TOPORS: variants seen among roughly 807,000 people sequenced by gnomAD.
The protein encoded by TOPORS is E3 ubiquitin-protein ligase Topors.
Under a neutral mutation model 81.4 loss-of-function variants are expected in TOPORS, and 25 were observed. That is an observed-to-expected ratio of 0.31 (90% CI 0.22 to 0.43). TOPORS has a LOEUF of 0.43. Among genes scored for constraint, TOPORS ranks in the 20% least tolerant of loss-of-function variants. The probability of loss-of-function intolerance (pLI) is 1.00; values close to 1 mark genes in which losing one functional copy is unlikely to be tolerated. For missense variants in TOPORS, 1,101 were observed against 1,267.0 expected (o/e 0.87, Z 1.99); for synonymous variants, 473 against 456.6 (o/e 1.04, Z -0.46).
intron 2 of TOPORS, among the ~76,000 whole-genome samples, chr9:32,548,458 G>A (rs1348527167): frequency 5.9e-5 from 9 of 151,870 alleles, no homozygotes; most frequent in Admixed American, 5.9e-4. Context: ...CCCGGGAGGC[G>A]GAGGTTGCAG....
rs1821041710 is a variant in TOPORS, at chr9:32,540,597, T to C, written c.*790A>G. 1 of 152,374 alleles carries C rather than the reference T, an allele frequency of 6.6e-6. No homozygotes were observed. Among genetic ancestry groups the C allele is most frequent in the South Asian group, 2.1e-4 (1 of 4,804 alleles). The allele number at this position is 152,374 out of a possible 1,614,324, so 9.4% of individuals were successfully genotyped here. On this transcript the variant is annotated 3_prime_UTR_variant, in exon 3 of 3. Coordinates refer to ENST00000360538, the MANE Select transcript of TOPORS (RefSeq NM_005802.5). ...GCAAGTTAAATGCTGTTTTTACTGATGATAGAAAGCAAATAAGATACTCCT... is the reference window on the plus strand; with the variant it reads ...GCAAGTTAAATGCTGTTTTTACTGACGATAGAAAGCAAATAAGATACTCCT...
At chr9:32,548,093 G>C (rs1346252614) in intron 2 of TOPORS, among the ~76,000 whole-genome samples, 1 of 145,050 alleles carries the variant, frequency 6.9e-6, no homozygotes, top group Non-Finnish European at 1.5e-5. Context: ...CTTGAGATCC[G>C]CCCGTCTCGG....
rs1484068873 is a variant in TOPORS at position 32,541,919 on chromosome 9, A to C, written c.2606T>G (p.Ile869Arg). 2 of 1,613,758 alleles carry C rather than the reference A, an allele frequency of 1.2e-6. No individual in the cohort carries two copies. The stretch of plus-strand genomic sequence containing the variant: ...ATCAGTAGCTTTTCCTTCATAAACT[A>C]TCTCTACACTTAGGCTCCGGGTCTT... ...KRKTRSLSVEIVYEGKATDTT... is the reference protein window; with the variant it reads ...KRKTRSLSVERVYEGKATDTT... Residue 869 changes from isoleucine (I) to arginine (R), a missense_variant, in exon 3 of 3, where the codon ATA (isoleucine) becomes AGA (arginine). Transcript: ENST00000360538.
chr9:32,551,832 T>C, intron 1 of TOPORS: 1 of 450,746 alleles, frequency 2.2e-6, no homozygotes, highest in Non-Finnish European at 4.5e-6. Context: ...GTATTTCTTC[T>C]TAGAGATATA....
intron 2 of TOPORS, among the ~76,000 whole-genome samples, chr9:32,549,255 C>T (rs556536337): frequency 6.6e-6 from 1 of 152,042 alleles, no homozygotes; most frequent in South Asian, 2.1e-4. Flanking sequence ...TGCAGTGAGC[C>T]GAGACTGCGC....
At chr9:32,551,142 C>T in intron 1 of TOPORS, 174 bp from the exon 2 acceptor site, 1 of 769,166 alleles carries the variant, frequency 1.3e-6, no homozygotes, top group Non-Finnish European at 2.1e-6. Context: ...TGCGGCCCCT[C>T]CCCCGCCGCT....
chr9:32,549,878 G>A (rs1821202146), intron 2 of TOPORS, among the ~76,000 whole-genome samples: 1 of 152,094 alleles, frequency 6.6e-6, no homozygotes, highest in Non-Finnish European at 1.5e-5. Context: ...AGATACAAAA[G>A]TCACAGGATC....
In TOPORS at chr9:32,547,651, C is replaced by A. The variant is rs972280316; in HGVS notation, c.198+3123G>T. Among the ~76,000 whole-genome samples the A allele has an allele frequency of 2.4e-4, 36 of 152,152 alleles. 1 individual carries two copies. The highest frequency in any genetic ancestry group is 2.6e-4 in the Admixed American group (4 of 15,288). ...TTTTATATGAAATGTCCAGAATAGG[C>A]AAATCTAGAGAGATGAAATGAGGCT... On this transcript the variant is annotated intron_variant, in intron 2 of 2. Coordinates refer to ENST00000360538, the MANE Select transcript of TOPORS (RefSeq NM_005802.5).
intron 1 of TOPORS, 37 bp from the exon 2 acceptor site, chr9:32,551,005 G>C: frequency 1.9e-6 from 3 of 1,603,260 alleles, no homozygotes; most frequent in Non-Finnish European, 1.7e-6. Flanking sequence ...TGGCAGCTCG[G>C]AAGCAGGGCA....
chr9:32,542,515 T>G lies in TOPORS; in HGVS notation c.2010A>C (p.Ser670=), dbSNP rs762871906. The G allele has an allele frequency of 8.1e-6, 13 of 1,614,018 alleles. No individual in the cohort carries two copies. The East Asian group carries it at 2.9e-4, about 36-fold the overall frequency. Residue 670 remains serine, a synonymous_variant, in exon 3 of 3, where the codon TCA becomes TCC. Transcript: ENST00000360538. ...LSLSSESTSR[S]RSRSSDHGKR... Reference sequence around the variant, plus strand: ...TACCATGATCACTGCTACGAGACCTTGATCTGCTTGTGCTTTCACTACTTA... The same window carrying G: ...TACCATGATCACTGCTACGAGACCTGGATCTGCTTGTGCTTTCACTACTTA...
chr9:32,544,821 C>T (rs1298812331), intron 2 of TOPORS, among the ~76,000 whole-genome samples: 1 of 152,006 alleles, frequency 6.6e-6, no homozygotes, highest in African/African-American at 2.4e-5. Flanking sequence ...CCTCCTATCA[C>T]TCTCTAGAAA....
intron 1 of TOPORS, chr9:32,551,550 T>C: frequency 3.9e-6 from 1 of 253,882 alleles, no homozygotes; most frequent in Middle Eastern, 1.7e-3. Flanking sequence ...GCTCTTCCCC[T>C]TCCCACTCCC....
In TOPORS at chr9:32,542,814, G is replaced by C; in HGVS notation, c.1711C>G (p.Pro571Ala). The stretch of plus-strand genomic sequence containing the variant: ...CTTACAGATGAGTTCAGGTTTCTGG[G>C]AGATGACAATGATGTAGATCGTTTC... ...EEKRSTSLSS[P>A]RNLNSSVRGD... The change falls in exon 3 of 3, where the codon CCC becomes GCC. Residue 571 changes from proline to alanine, a missense_variant. Around this residue, in one of 9 missense-constraint regions of TOPORS, gnomAD observed 605 missense variants for 636.1 expected, o/e 0.95. Transcript: ENST00000360538. 2 of 1,614,002 alleles carry C rather than the reference G, an allele frequency of 1.2e-6. No homozygotes were observed. Among genetic ancestry groups the C allele is most frequent in the Non-Finnish European group, 1.7e-6 (2 of 1,180,016 alleles).
chr9:32,544,520 G>C (rs1016944739), intron 2 of TOPORS, among the ~76,000 whole-genome samples, 194 bp from the exon 3 acceptor site: 14 of 152,178 alleles, frequency 9.2e-5, no homozygotes, highest in Admixed American at 6.5e-5. Context: ...TCTGAAGTCA[G>C]ATTTCCTAAG....
At chr9:32,551,126 C>T (rs963201163) in intron 1 of TOPORS, 158 bp from the exon 2 acceptor site, 1 of 914,250 alleles carries the variant, frequency 1.1e-6, no homozygotes, top group Admixed American at 2.1e-5. Flanking sequence ...AGCGCACCGG[C>T]CCAAATGCGG....
Position 32,552,583 on chromosome 9 carries a change from A to G in TOPORS, c.-147T>C. On this transcript the variant is annotated 5_prime_UTR_variant, in exon 1 of 3. Coordinates refer to ENST00000360538, the MANE Select transcript of TOPORS (RefSeq NM_005802.5). Reference sequence around the variant, plus strand: ...CCAGAAACTCCAAAATCCATTCCTGAATTAAGCATTTCACTCCCTCACCTC... The same window carrying G: ...CCAGAAACTCCAAAATCCATTCCTGGATTAAGCATTTCACTCCCTCACCTC... 9.8e-7 allele frequency: 1 copy of G among 1,019,692 alleles called. No homozygotes were observed. The highest frequency in any genetic ancestry group is 2.6e-5 in the East Asian group (1 of 38,588). The allele number at this position is 1,019,692 out of a possible 1,614,324, so 63.2% of individuals were successfully genotyped here.
At position 32,550,974 on chromosome 9, in the gene TOPORS, A is replaced by C; in HGVS notation, c.4-6T>G. On this transcript the variant is annotated splice_region_variant and splice_polypyrimidine_tract_variant and intron_variant, in intron 1 of 2. Transcript: ENST00000360538. ...CCCAGCGGCGGCTGCGACCCCTGTGACGCAAAGGGCTCATCACCAATGGCA... is the reference window on the plus strand; with the variant it reads ...CCCAGCGGCGGCTGCGACCCCTGTGCCGCAAAGGGCTCATCACCAATGGCA... 1 of 1,609,546 alleles carries C rather than the reference A, an allele frequency of 6.2e-7. No homozygotes were observed. Among genetic ancestry groups the C allele is most frequent in the Non-Finnish European group, 8.5e-7 (1 of 1,179,752 alleles).
rs1405473340 is a variant in TOPORS, at chr9:32,542,639, G to T, written c.1886C>A (p.Ser629Tyr). The T allele has an allele frequency of 4.3e-6, 7 of 1,613,732 alleles. No homozygotes were observed. The South Asian group carries it at 7.7e-5, about 18-fold the overall frequency. ...HGKKRMKSKRSRSRESSRPRG... is the reference protein window; with the variant it reads ...HGKKRMKSKRYRSRESSRPRG... ...AGGTCTGCTACTTTCCCTGCTTCTG[G>T]ATCGTTTACTTTTCATTCTTTTCTT... The change falls in exon 3 of 3, where the codon TCC (serine) becomes TAC (tyrosine). Residue 629 changes from serine (S) to tyrosine (Y), a missense_variant. Physicochemically the swap from Ser to Tyr is moderately radical, Grantham distance 144 (BLOSUM62 -2). Transcript: ENST00000360538.
Position 32,550,784 on chromosome 9 carries a change from G to T in TOPORS, c.188C>A (p.Ala63Glu), listed in dbSNP as rs1821227234. The T allele has an allele frequency of 6.2e-7, 1 of 1,612,746 alleles. No individual in the cohort carries two copies. The change falls in exon 2 of 3, where the codon GCA becomes GAA. Residue 63 changes from alanine to glutamate, a missense_variant. Ala to Glu is a moderately radical substitution (Grantham distance 107, BLOSUM62 -1). Coordinates refer to ENST00000360538, the MANE Select transcript of TOPORS (RefSeq NM_005802.5). ...AASAPARPAP[A>E]SSEIMASAAK... ...CCGAATCTCACTCACCTCGGAGGATGCCGGCGCAGGCCTGGCTGGGGCGCT... is the reference window on the plus strand; with the variant it reads ...CCGAATCTCACTCACCTCGGAGGATTCCGGCGCAGGCCTGGCTGGGGCGCT...
Sources: allele counts gnomAD v4.1 joint callset (sites outside exome capture counted in the v4.1 genomes callset), GRCh38; gene constraint gnomAD v4.1.1; regional missense constraint gnomAD v4.1.1; transcripts MANE v1.5; gene names NCBI Gene and HGNC (gene_info 2026-07-23, HGNC 2026-07-21).